Variants in DMD observed in about 807,000 individuals in gnomAD.
The protein encoded by DMD is dystrophin, also known as mutant dystrophin.
A neutral mutation model predicts 330.1 loss-of-function variants in DMD; 63 were observed. The observed-to-expected ratio is 0.19, with a 90% confidence interval of 0.16 to 0.24. The LOEUF (loss-of-function observed/expected upper bound fraction) is 0.24. Ranked by LOEUF, DMD falls within the 10% of genes least tolerant of loss-of-function variation. DMD has a pLI of 1.00. For missense variants in DMD, 3,344 were observed against 2,684.1 expected (o/e 1.25, Z -5.43); for synonymous variants, 1,223 against 959.8 (o/e 1.27, Z -5.07).
At chrX:33,226,221 A>G (rs752174973) in intron 1 of DMD, among the ~76,000 whole-genome samples, 1 of 111,652 alleles carries the variant, frequency 9.0e-6, no homozygotes, top group South Asian at 3.7e-4. Flanking sequence ...ATTCCATGGC[A>G]TTAATCCCAG....
At chrX:32,744,228 C>T (rs1384741501) in intron 7 of DMD, among the ~76,000 whole-genome samples, 1 of 108,346 alleles carries the variant, frequency 9.2e-6, no homozygotes, top group Non-Finnish European at 1.9e-5. Flanking sequence ...CAAAGTTGCT[C>T]TTTTGAATAT....
At chrX:31,351,918 C>A (rs2058447922) in intron 60 of DMD, among the ~76,000 whole-genome samples, 1 of 106,670 alleles carries the variant, frequency 9.4e-6, no homozygotes, top group Admixed American at 1.0e-4. Context: ...GACATAAAAA[C>A]TGAGGCATGA....
intron 60 of DMD, among the ~76,000 whole-genome samples, chrX:31,374,606 G>A (rs2059785382): frequency 1.0e-5 from 1 of 97,044 alleles, no homozygotes; most frequent in Non-Finnish European, 2.0e-5. Context: ...CTCACTCATA[G>A]GTGGGAATTG....
chrX:32,411,771 T>A lies in DMD; in HGVS notation c.4214A>T (p.Gln1405Leu), dbSNP rs2098142833. ...ACTTGCCTGGGCTTCCTGAGGCATT[T>A]GAGCTGCGTCCACCTTGTCTGCAAT... The part of the protein sequence containing the change: ...AYIADKVDAA[Q>L]MPQEAQKIQS... The change falls in exon 30 of 79, where the codon CAA (glutamine) becomes CTA (leucine). Residue 1405 changes from glutamine (Q) to leucine (L), a missense_variant. Transcript: ENST00000357033. The A allele has an allele frequency of 1.7e-6, 2 of 1,211,489 alleles. No individual in the cohort carries two copies. Among genetic ancestry groups the A allele is most frequent in the Middle Eastern group, 4.6e-4 (2 of 4,350 alleles).
intron 5 of DMD, among the ~76,000 whole-genome samples, chrX:32,819,642 C>A (rs1044992802): frequency 2.7e-5 from 3 of 110,806 alleles, no homozygotes; most frequent in African/African-American, 9.8e-5. Flanking sequence ...TGAGTTTTCA[C>A]AAGTTCAATG....
chrX:32,925,599 C>T (rs1840448179), intron 2 of DMD, among the ~76,000 whole-genome samples: 1 of 111,357 alleles, frequency 9.0e-6, no homozygotes, highest in East Asian at 2.8e-4. Context: ...ATATAAAAGG[C>T]ACTGCTAAAA....
chrX:31,820,604 C>T (rs893435576), intron 49 of DMD, among the ~76,000 whole-genome samples: 3 of 111,941 alleles, frequency 2.7e-5, no homozygotes, highest in Non-Finnish European at 5.6e-5. Context: ...CTTCAACTGT[C>T]AGTCCCTTCA....
At chrX:32,249,546 C>T in intron 43 of DMD, among the ~76,000 whole-genome samples, 1 of 111,331 alleles carries the variant, frequency 9.0e-6, no homozygotes, top group Non-Finnish European at 1.9e-5. Context: ...CTGTATTATG[C>T]CTATTTTACT....
At chrX:31,490,556 A>T (rs1484362434) in intron 57 of DMD, among the ~76,000 whole-genome samples, 1 of 111,845 alleles carries the variant, frequency 8.9e-6, no homozygotes, top group Admixed American at 9.5e-5. Flanking sequence ...CTCCATCTCA[A>T]AAAAAAATTA....
chrX:31,655,477 T>C (rs753505694), intron 54 of DMD, among the ~76,000 whole-genome samples: 2 of 111,237 alleles, frequency 1.8e-5, no homozygotes, highest in South Asian at 7.6e-4. Flanking sequence ...ATGAAATGAA[T>C]GTATTTTGTC....
At chrX:31,281,842 G>A (rs943874824) in intron 62 of DMD, among the ~76,000 whole-genome samples, 1 of 111,963 alleles carries the variant, frequency 8.9e-6, no homozygotes, top group African/African-American at 3.2e-5. Flanking sequence ...TAACATTTTG[G>A]TCAGATTTGT....
intron 54 of DMD, among the ~76,000 whole-genome samples, chrX:31,636,523 G>C (rs1311818559): frequency 9.0e-6 from 1 of 111,452 alleles, no homozygotes. Flanking sequence ...ACAGTTTATA[G>C]ATGAGGAACT....
At chrX:31,571,202 G>C in intron 55 of DMD, among the ~76,000 whole-genome samples, 1 of 109,210 alleles carries the variant, frequency 9.2e-6, no homozygotes, top group Non-Finnish European at 1.9e-5. Context: ...TGTATTCTCT[G>C]ACAAAAGGGT....
At chrX:31,194,137 G>A (rs746760473) in intron 67 of DMD, among the ~76,000 whole-genome samples, 31 of 111,118 alleles carry the variant, frequency 2.8e-4, no homozygotes, top group South Asian at 7.8e-4. Flanking sequence ...CCGAGATTGC[G>A]CCACTGCACT....
chrX:32,864,996 C>T (rs941999836), intron 2 of DMD, among the ~76,000 whole-genome samples: 5 of 111,508 alleles, frequency 4.5e-5, no homozygotes, highest in Non-Finnish European at 9.4e-5. Context: ...ATGTGAGATT[C>T]GGTGTAGTTG....
At chrX:32,054,094 A>T (rs1018869672) in intron 44 of DMD, among the ~76,000 whole-genome samples, 2,686 of 65,575 alleles carry the variant, frequency 0.041, 51 homozygotes, top group African/African-American at 0.11. Flanking sequence ...TGTGTGAGAG[A>T]GAGAGAGAGA....
chrX:32,723,921 G>A (rs1037701724), intron 7 of DMD, among the ~76,000 whole-genome samples: 1 of 110,969 alleles, frequency 9.0e-6, no homozygotes, highest in South Asian at 3.7e-4. Flanking sequence ...TTAAGAAAGT[G>A]GGTGAATTAC....
intron 55 of DMD, among the ~76,000 whole-genome samples, chrX:31,603,033 G>A (rs910992577): frequency 9.0e-6 from 1 of 111,581 alleles, no homozygotes; most frequent in Non-Finnish European, 1.9e-5. Context: ...AATGTGACAA[G>A]AGGAGAGATT....
intron 11 of DMD, among the ~76,000 whole-genome samples, chrX:32,639,930 T>C (rs185395210): frequency 9.0e-6 from 1 of 110,512 alleles, no homozygotes; most frequent in Non-Finnish European, 1.9e-5. Context: ...TCAGGTTTGG[T>C]AGCTCAGGTC....
Sources: allele counts gnomAD v4.1 joint callset (sites outside exome capture counted in the v4.1 genomes callset), GRCh38; gene constraint gnomAD v4.1.1; transcripts MANE v1.5; gene names NCBI Gene and HGNC (gene_info 2026-07-23, HGNC 2026-07-21).